DMGDH: variants seen among roughly 807,000 people sequenced by gnomAD.
DMGDH encodes the protein dimethylglycine dehydrogenase, mitochondrial.
Under a neutral mutation model 95.2 loss-of-function variants are expected in DMGDH, and 76 were observed. The ratio of observed to expected loss-of-function variants is 0.80; its 90% CI spans 0.66 to 0.97. The LOEUF (loss-of-function observed/expected upper bound fraction) is 0.97, where lower values mean the gene tolerates loss of function less well. Among genes scored for constraint, DMGDH ranks in the 50% least tolerant of loss-of-function variants. The pLI, the probability that DMGDH is intolerant of heterozygous loss-of-function variation, is 0.00. For synonymous variants in DMGDH, 345 were observed against 377.6 expected (o/e 0.91, Z 1.00); for missense variants, 987 against 1,055.0 (o/e 0.94, Z 0.89).
At chr5:79,042,260 T>C in intron 7 of DMGDH, 23 bp downstream of exon 7, 1 of 1,605,020 alleles carries the variant, frequency 6.2e-7, no homozygotes, top group East Asian at 2.2e-5. Context: ...ACAATAAATG[T>C]TGAATTACAT....
chr5:79,027,447 T>C (rs182805100), intron 12 of DMGDH, among the ~76,000 whole-genome samples: 2 of 152,210 alleles, frequency 1.3e-5, no homozygotes, highest in Admixed American at 6.5e-5. Flanking sequence ...TTTCCCAAGG[T>C]GGAGGGCTCA....
chr5:79,013,227 C>G (rs978012929), intron 14 of DMGDH, among the ~76,000 whole-genome samples: 3 of 152,210 alleles, frequency 2.0e-5, no homozygotes, highest in Non-Finnish European at 4.4e-5. Flanking sequence ...TCTAAATCAT[C>G]AGTCTCAGTT....
chr5:79,032,975 TTC>T, intron 8 of DMGDH, 135 bp from the exon 9 acceptor site: 1 of 1,142,868 alleles, frequency 8.7e-7, no homozygotes, highest in Non-Finnish European at 1.3e-6. Context: ...ATATGAATGA[TTC>T]ATGTAGAAAA....
intron 6 of DMGDH, 136 bp downstream of exon 6, chr5:79,044,168 A>G (rs1754599001): frequency 1.6e-6 from 2 of 1,270,720 alleles, no homozygotes; most frequent in Admixed American, 1.7e-5. Flanking sequence ...CTCACCTCAA[A>G]CCTGTCACCT....
chr5:79,021,452 A>G, intron 14 of DMGDH: 2 of 1,215,386 alleles, frequency 1.6e-6, no homozygotes, highest in South Asian at 1.5e-5. Context: ...TCAACTTCAC[A>G]TAAGCCAACA....
At chr5:79,040,868 A>G (rs1754489436) in intron 7 of DMGDH, among the ~76,000 whole-genome samples, 1 of 152,198 alleles carries the variant, frequency 6.6e-6, no homozygotes, top group African/African-American at 2.4e-5. Flanking sequence ...CTACTTCCAC[A>G]TGCCTGCATA....
intron 14 of DMGDH, among the ~76,000 whole-genome samples, chr5:79,007,587 A>G (rs1753574506): frequency 6.6e-6 from 1 of 152,226 alleles, no homozygotes; most frequent in African/African-American, 2.4e-5. Flanking sequence ...GTTGGAATCA[A>G]TAACTATACT....
rs545675920 is a variant in DMGDH at position 79,060,502 on chromosome 5, T to A, written c.276+3111A>T. 1.4e-4 allele frequency among the ~76,000 whole-genome samples: 22 copies of A among 152,318 alleles called. 1 individual carries two copies. In the South Asian group the frequency reaches 4.3e-3, roughly 30 times the overall value. On this transcript the variant is annotated intron_variant, in intron 2 of 15. Coordinates refer to ENST00000255189, the MANE Select transcript of DMGDH (RefSeq NM_013391.3). Reference sequence around the variant, plus strand: ...TTGATTCCCACACTCTCCAGACACTTCTCTCATGGAGCACATATCGTGCTT... The same window carrying A: ...TTGATTCCCACACTCTCCAGACACTACTCTCATGGAGCACATATCGTGCTT...
intron 1 of DMGDH, among the ~76,000 whole-genome samples, chr5:79,068,106 CAG>C (rs1386782263): frequency 6.6e-6 from 1 of 152,036 alleles, no homozygotes; most frequent in African/African-American, 2.4e-5. Flanking sequence ...TTATTAGAGA[CAG>C]AGTTTCACCA....
intron 7 of DMGDH, among the ~76,000 whole-genome samples, chr5:79,034,807 C>T (rs2431951): frequency 0.58 from 87,321 of 151,862 alleles, 26,833 homozygotes; most frequent in African/African-American, 0.81. Flanking sequence ...CCTGTAATCC[C>T]AGCACTTTGG....
chr5:79,029,093 G>A (rs1754080528), intron 11 of DMGDH, among the ~76,000 whole-genome samples: 1 of 152,204 alleles, frequency 6.6e-6, no homozygotes. Context: ...GAATCACAAG[G>A]AAAAGACAGA....
chr5:79,067,051 T>A (rs1169574152), intron 1 of DMGDH, among the ~76,000 whole-genome samples: 2 of 152,240 alleles, frequency 1.3e-5, no homozygotes, highest in African/African-American at 2.4e-5. Flanking sequence ...TGGATATTTA[T>A]TGTTTTCAGT....
intron 5 of DMGDH, among the ~76,000 whole-genome samples, chr5:79,046,236 G>A (rs1213650570): frequency 1.3e-5 from 2 of 151,754 alleles, no homozygotes; most frequent in Non-Finnish European, 2.9e-5. Flanking sequence ...ACAGGTATCC[G>A]CCGCCATGCC....
chr5:79,034,564 G>T (rs1012500087), intron 7 of DMGDH, among the ~76,000 whole-genome samples: 2 of 152,100 alleles, frequency 1.3e-5, no homozygotes, highest in Non-Finnish European at 2.9e-5. Context: ...AGAGTCATGG[G>T]GAGAGAAGCA....
chr5:79,019,548 T>C (rs532819978), intron 14 of DMGDH, among the ~76,000 whole-genome samples: 5 of 152,194 alleles, frequency 3.3e-5, no homozygotes, highest in East Asian at 3.9e-4. Context: ...TAGGTCCATG[T>C]ACTTAAATAA....
At chr5:79,045,242 A>G (rs559183998) in intron 5 of DMGDH, among the ~76,000 whole-genome samples, 1 of 152,384 alleles carries the variant, frequency 6.6e-6, no homozygotes, top group South Asian at 2.1e-4. Context: ...AGGGAGAAAG[A>G]GAAGCCACAG....
At chr5:79,013,420 T>C (rs949088691) in intron 14 of DMGDH, among the ~76,000 whole-genome samples, 1 of 152,148 alleles carries the variant, frequency 6.6e-6, no homozygotes, top group African/African-American at 2.4e-5. Flanking sequence ...TCAACACATC[T>C]CTAGGGAGTT....
At chr5:79,035,747 G>GAA (rs1754331289) in intron 7 of DMGDH, among the ~76,000 whole-genome samples, 1 of 151,792 alleles carries the variant, frequency 6.6e-6, no homozygotes, top group South Asian at 2.1e-4. Context: ...TGGGCGGGGG[G>GAA]GGAATCCTGA....
At chr5:79,036,019 T>A (rs1754337887) in intron 7 of DMGDH, among the ~76,000 whole-genome samples, 1 of 152,170 alleles carries the variant, frequency 6.6e-6, no homozygotes, top group South Asian at 2.1e-4. Flanking sequence ...GGGGAAAAGA[T>A]CTGGGTATGA....
Sources: allele counts gnomAD v4.1 joint callset (sites outside exome capture counted in the v4.1 genomes callset), GRCh38; gene constraint gnomAD v4.1.1; transcripts MANE v1.5; gene names NCBI Gene and HGNC (gene_info 2026-07-23, HGNC 2026-07-21).